Variants in RASGRF1 observed in about 807,000 individuals in gnomAD.
RASGRF1 encodes Ras protein specific guanine nucleotide releasing factor 1, also known as ras-specific guanine nucleotide-releasing factor 1.
Under a neutral mutation model 138.7 loss-of-function variants are expected in RASGRF1, and 40 were observed. That is an observed-to-expected ratio of 0.29 (90% CI 0.22 to 0.38). The LOEUF is 0.38. Among genes scored for constraint, RASGRF1 ranks in the 10% least tolerant of loss-of-function variants. The pLI, the probability that RASGRF1 is intolerant of heterozygous loss-of-function variation, is 1.00. For missense variants in RASGRF1, 1,108 were observed against 1,650.4 expected, an observed-to-expected ratio of 0.67 and a Z score of 5.69; for synonymous variants, 614 against 663.2, an observed-to-expected ratio of 0.93 and a Z score of 1.14.
intron 1 of RASGRF1, among the ~76,000 whole-genome samples, chr15:79,067,293 C>T (rs1030579701): frequency 4.6e-5 from 7 of 152,294 alleles, no homozygotes; most frequent in South Asian, 2.1e-4. Context: ...TGAGGGCCTC[C>T]ACCTTAAGAA....
At chr15:79,025,928 A>T (rs1287039886) in intron 9 of RASGRF1, among the ~76,000 whole-genome samples, 13 of 12,178 alleles carry the variant, frequency 1.1e-3, no homozygotes, top group Middle Eastern at 0.083. Context: ...CTAAGATTTA[A>T]AAAAAAAAAA....
intron 1 of RASGRF1, among the ~76,000 whole-genome samples, chr15:79,080,977 C>A (rs1230240815): frequency 1.3e-5 from 2 of 152,214 alleles, no homozygotes; most frequent in Non-Finnish European, 2.9e-5. Context: ...GAGGATCGTG[C>A]CTCTCTTATG....
At position 78,973,852 on chromosome 15, in the gene RASGRF1, C is replaced by T. The variant is rs1053272156; in HGVS notation, c.3495-432G>A. On this transcript the variant is annotated intron_variant, in intron 24 of 26. Coordinates refer to ENST00000558480, the MANE Select transcript of RASGRF1 (RefSeq NM_001145648.3). This position sits in a 1 kb window ranked among gnomAD's most constrained non-coding sequence, Gnocchi z 4.9. Reference sequence around the variant, plus strand: ...CCTGGAGGGCTCTGCAGCCCCAGCCCCCCAACTCCTGCCAGTCACCCTATC... The same window carrying T: ...CCTGGAGGGCTCTGCAGCCCCAGCCTCCCAACTCCTGCCAGTCACCCTATC... 6.6e-6 allele frequency among the ~76,000 whole-genome samples: 1 copy of T among 152,174 alleles called. No homozygotes were observed. Among genetic ancestry groups the T allele is most frequent in the African/African-American group, 2.4e-5 (1 of 41,426 alleles).
chr15:79,090,142 C>T (rs576559475), intron 1 of RASGRF1, 81 bp downstream of exon 1: 10 of 1,446,920 alleles, frequency 6.9e-6, no homozygotes, highest in African/African-American at 5.7e-5. Context: ...AAAGTTCAAG[C>T]GCCATCAGCC....
Position 79,090,514 on chromosome 15 carries a change from G to T in RASGRF1, c.-16C>A. 1 of 1,606,898 alleles carries T rather than the reference G, an allele frequency of 6.2e-7. No individual in the cohort carries two copies. Among genetic ancestry groups the T allele is most frequent in the Non-Finnish European group, 8.5e-7 (1 of 1,177,738 alleles). Reference sequence around the variant, plus strand: ...CCTTCTGCATGGTGCTCAGAGGCCAGCGAGACCCCACGCGCTTACATCTTC... The same window carrying T: ...CCTTCTGCATGGTGCTCAGAGGCCATCGAGACCCCACGCGCTTACATCTTC... On this transcript the variant is annotated 5_prime_UTR_variant, in exon 1 of 27. The change creates a new upstream start codon in the 5' untranslated region. Coordinates refer to ENST00000558480, the MANE Select transcript of RASGRF1 (RefSeq NM_001145648.3).
At chr15:79,065,074 A>G (rs2057659359) in intron 1 of RASGRF1, among the ~76,000 whole-genome samples, 1 of 152,258 alleles carries the variant, frequency 6.6e-6, no homozygotes, top group African/African-American at 2.4e-5. Context: ...TCAGGGAAGC[A>G]GAAGAGCCAG....
rs2056120847 is a variant in RASGRF1 at position 78,985,055 on chromosome 15, G to A, written c.3366C>T (p.Arg1122=). 1.9e-6 allele frequency: 3 copies of A among 1,614,038 alleles called. No homozygotes were observed. Among genetic ancestry groups the A allele is most frequent in the South Asian group, 1.1e-5 (1 of 91,088 alleles). Reference sequence around the variant, plus strand: ...TCTTTTTGAGCCGGAAGATTGCACTGCGGTTCATGGACGAGGTGATCTCCA... The same window carrying A: ...TCTTTTTGAGCCGGAAGATTGCACTACGGTTCATGGACGAGGTGATCTCCA... ...AVLEITSSMN[R]SAIFRLKKTW... is the part of the protein sequence containing the mutation. The change falls in exon 23 of 27, where the codon CGC becomes CGT. Residue 1122 remains arginine, a synonymous_variant. Coordinates refer to ENST00000558480, the MANE Select transcript of RASGRF1 (RefSeq NM_001145648.3).
At chr15:79,038,912 G>T (rs1325419430) in intron 5 of RASGRF1, among the ~76,000 whole-genome samples, 1 of 152,162 alleles carries the variant, frequency 6.6e-6, no homozygotes, top group Non-Finnish European at 1.5e-5. Context: ...AAGGGAGATA[G>T]ACATAGCCTT....
rs551936312 is a variant in RASGRF1, at chr15:78,991,693, A to G, written c.3129T>C (p.Tyr1043=). The G allele has an allele frequency of 6.2e-6, 10 of 1,613,264 alleles. No individual in the cohort carries two copies. In the African/African-American group the frequency reaches 6.7e-5, roughly 11 times the overall value. Residue 1043 remains tyrosine, a splice_region_variant and synonymous_variant, in exon 21 of 27, where the codon TAT becomes TAC. Transcript: ENST00000558480. ...LDHLVFKKIP[Y]EEFFGQGWMK... Reference sequence around the variant, plus strand: ...CGGGTGGTGCCTGCAACACTTACTCATAAGGAATCTTCTTGAAGACGAGGT... The same window carrying G: ...CGGGTGGTGCCTGCAACACTTACTCGTAAGGAATCTTCTTGAAGACGAGGT...
intron 24 of RASGRF1, chr15:78,980,351 T>C (rs2055995593): frequency 3.1e-6 from 1 of 319,296 alleles, no homozygotes; most frequent in Non-Finnish European, 5.7e-6. Flanking sequence ...CTGGCACCAC[T>C]ACTATTATCA....
intron 16 of RASGRF1, among the ~76,000 whole-genome samples, chr15:79,001,133 C>T (rs979002476): frequency 1.3e-5 from 2 of 152,186 alleles, no homozygotes; most frequent in African/African-American, 2.4e-5. Flanking sequence ...GCAATGTCAC[C>T]GCCTCTTGGA....
At position 78,998,841 on chromosome 15, in the gene RASGRF1, G is replaced by C; in HGVS notation, c.2747-16C>G. On this transcript the variant is annotated splice_polypyrimidine_tract_variant and intron_variant, in intron 17 of 26. Coordinates refer to ENST00000558480, the MANE Select transcript of RASGRF1 (RefSeq NM_001145648.3). ...GGGGGAAACCCTGGCAGCATGCGTG[G>C]CAGAGGGGAGAGAGGACAGGTGAGG... The C allele has an allele frequency of 6.3e-7, 1 of 1,588,236 alleles. No homozygotes were observed. Among genetic ancestry groups the C allele is most frequent in the South Asian group, 1.1e-5 (1 of 90,500 alleles).
chr15:78,996,414 G>A (rs568069228), intron 19 of RASGRF1, among the ~76,000 whole-genome samples: 32 of 152,318 alleles, frequency 2.1e-4, no homozygotes, highest in African/African-American at 7.5e-4. Flanking sequence ...CCTGGGCTGC[G>A]TGGGGACAGC....
intron 1 of RASGRF1, among the ~76,000 whole-genome samples, chr15:79,080,549 C>T (rs1002619942): frequency 2.0e-5 from 3 of 152,152 alleles, no homozygotes; most frequent in African/African-American, 4.8e-5. Flanking sequence ...ATCTTGATCA[C>T]GTTTCTCTAA....
At chr15:79,085,926 G>C (rs1566974325) in intron 1 of RASGRF1, among the ~76,000 whole-genome samples, 2 of 152,178 alleles carry the variant, frequency 1.3e-5, no homozygotes, top group Non-Finnish European at 2.9e-5. Flanking sequence ...ATTTGTTTCT[G>C]ATCCTCACCA....
At chr15:78,963,164 A>G (rs2055580777) in intron 26 of RASGRF1, among the ~76,000 whole-genome samples, 1 of 152,226 alleles carries the variant, frequency 6.6e-6, no homozygotes, top group African/African-American at 2.4e-5. Context: ...TAAATGTGCA[A>G]TGAGAGATCT....
intron 3 of RASGRF1, 52 bp downstream of exon 3, chr15:79,058,282 G>A (rs16970524): frequency 0.13 from 198,254 of 1,581,270 alleles, 13,156 homozygotes; most frequent in Middle Eastern, 0.14. Context: ...AGGAGCCCAG[G>A]GTTTGAGATG....
intron 1 of RASGRF1, among the ~76,000 whole-genome samples, chr15:79,076,162 T>C (rs1469961503): frequency 6.6e-6 from 1 of 152,200 alleles, no homozygotes; most frequent in African/African-American, 2.4e-5. Context: ...CATATCATAA[T>C]GATGTTCTGA....
At chr15:79,023,294 AC>A (rs1356061271) in intron 10 of RASGRF1, among the ~76,000 whole-genome samples, 4 of 152,114 alleles carry the variant, frequency 2.6e-5, no homozygotes, top group African/African-American at 9.7e-5. Context: ...TTCCTAATTG[AC>A]AGCAAATCCA....
Sources: allele counts gnomAD v4.1 joint callset (sites outside exome capture counted in the v4.1 genomes callset), GRCh38; gene constraint gnomAD v4.1.1; non-coding constraint Gnocchi (gnomAD v3.1); transcripts MANE v1.5; gene names NCBI Gene and HGNC (gene_info 2026-07-23, HGNC 2026-07-21).